N4BP2: variants seen among roughly 807,000 people sequenced by gnomAD.
The protein encoded by N4BP2 is NEDD4-binding protein 2.
In N4BP2, 91 loss-of-function variants were observed where a neutral mutation model predicts 152.8. That is an observed-to-expected ratio of 0.60 (90% CI 0.50 to 0.71). N4BP2 has a LOEUF of 0.71. N4BP2 is among the 30% of genes least tolerant of loss of function. N4BP2 has a pLI of 0.00. For missense variants in N4BP2, 1,923 were observed against 2,059.1 expected (o/e 0.93, Z 1.28); for synonymous variants, 646 against 705.3 (o/e 0.92, Z 1.33).
Position 40,102,976 on chromosome 4 carries a change from T to A in N4BP2, c.1131T>A (p.His377Gln). Residue 377 changes from histidine (H) to glutamine (Q), a missense_variant, in exon 4 of 18, where the codon CAT becomes CAA. Transcript: ENST00000261435. ...IPAFDLFQGN[H>Q]GFVAPVVTTA... is the part of the protein sequence containing the mutation. ...CTTTTGACCTCTTCCAAGGAAACCA[T>A]GGCTTTGTAGCTCCTGTTGTAACCA... The A allele has an allele frequency of 6.2e-7, 1 of 1,614,214 alleles. No homozygotes were observed. Among genetic ancestry groups the A allele is most frequent in the Non-Finnish European group, 8.5e-7 (1 of 1,180,048 alleles).
intron 2 of N4BP2, among the ~76,000 whole-genome samples, chr4:40,092,000 A>T (rs1714600653): frequency 1.1e-5 from 1 of 89,892 alleles, no homozygotes; most frequent in African/African-American, 4.3e-5. Flanking sequence ...AAAAAAAAAA[A>T]AAAAAAATTA....
At position 40,131,843 on chromosome 4, in the gene N4BP2, C is replaced by T. The variant is rs1410904189; in HGVS notation, c.4570C>T (p.Leu1524=). 6.2e-7 allele frequency: 1 copy of T among 1,613,594 alleles called. No homozygotes were observed. Among genetic ancestry groups the T allele is most frequent in the Non-Finnish European group, 8.5e-7 (1 of 1,179,738 alleles). The change falls in exon 13 of 18, where the codon CTA becomes TTA. Residue 1524 remains leucine (L), a synonymous_variant. Coordinates refer to ENST00000261435, the MANE Select transcript of N4BP2 (RefSeq NM_018177.6). ...GTTTGAAAAAGATTGTGCCACTAAA[C>T]TAAAGGAGAAGCAGCTCTTTAAGAT... is the stretch of plus-strand genomic sequence containing the variant. The part of the protein sequence containing the change: ...LMFEKDCATK[L]KEKQLFKIFP...
chr4:40,060,909 T>A (rs1205683618), intron 1 of N4BP2, among the ~76,000 whole-genome samples: 2 of 152,186 alleles, frequency 1.3e-5, no homozygotes, highest in Non-Finnish European at 2.9e-5. Context: ...CTGGCCTGTT[T>A]TTCTAAACGT....
chr4:40,141,956 C>T (rs991264122), intron 14 of N4BP2, among the ~76,000 whole-genome samples: 4 of 152,068 alleles, frequency 2.6e-5, no homozygotes, highest in African/African-American at 7.2e-5. Context: ...GGCGTGGTGG[C>T]GCGTGCCTGC....
At chr4:40,142,494 G>T in intron 14 of N4BP2, 179 bp from the exon 15 acceptor site, 1 of 560,414 alleles carries the variant, frequency 1.8e-6, no homozygotes, top group South Asian at 2.7e-5. Context: ...GCATAAAAAA[G>T]TTAATGATAG....
intron 12 of N4BP2, among the ~76,000 whole-genome samples, chr4:40,128,286 A>G (rs1215478773): frequency 6.6e-6 from 1 of 152,228 alleles, no homozygotes; most frequent in East Asian, 1.9e-4. Flanking sequence ...GTTTGACTGC[A>G]CAAAGGAGCA....
intron 3 of N4BP2, among the ~76,000 whole-genome samples, chr4:40,101,303 T>C (rs991293996): frequency 6.6e-6 from 1 of 152,122 alleles, no homozygotes; most frequent in Non-Finnish European, 1.5e-5. Flanking sequence ...ATTACAGGCA[T>C]GCGCCGCCAC....
the N4BP2 span, among the ~76,000 whole-genome samples, chr4:40,184,155 A>G: frequency 2.0e-5 from 3 of 152,220 alleles, no homozygotes; most frequent in Non-Finnish European, 4.4e-5. Context: ...GCAAGGAAGA[A>G]GACATGACTA....
chr4:40,097,437 C>A lies in N4BP2; in HGVS notation c.97C>A (p.Pro33Thr), dbSNP rs1715198345. The A allele has an allele frequency of 6.2e-7, 1 of 1,614,024 alleles. No individual in the cohort carries two copies. Among genetic ancestry groups the A allele is most frequent in the South Asian group, 1.1e-5 (1 of 91,066 alleles). The change falls in exon 3 of 18, where the codon CCA (proline) becomes ACA (threonine). Residue 33 changes from proline to threonine, a missense_variant. Transcript: ENST00000261435. ...ATCCAGTGTTGCTAGTCGTGAGGAG[C>A]CAACCACTACTCTACCTTCCATGGG... ...VVSSVASREE[P>T]TTTLPSMGET...
chr4:40,125,619 C>T (rs1042874316), intron 11 of N4BP2, among the ~76,000 whole-genome samples: 1 of 152,208 alleles, frequency 6.6e-6, no homozygotes, highest in Admixed American at 6.5e-5. Context: ...GGTGCGGTGG[C>T]TCACGCCTGT....
At chr4:40,179,754 C>G in the N4BP2 span, among the ~76,000 whole-genome samples, 8 of 145,384 alleles carry the variant, frequency 5.5e-5, no homozygotes, top group African/African-American at 2.1e-4. Context: ...AGTGGTAAAG[C>G]CTTTCTTTTT....
chr4:40,141,495 C>T (rs927612053), intron 14 of N4BP2, among the ~76,000 whole-genome samples: 1 of 136,732 alleles, frequency 7.3e-6, no homozygotes, highest in Non-Finnish European at 1.6e-5. Context: ...GATGGGCGGC[C>T]GGGCAGAGGC....
chr4:40,185,602 T>C, the N4BP2 span, among the ~76,000 whole-genome samples: 3 of 152,110 alleles, frequency 2.0e-5, no homozygotes, highest in Non-Finnish European at 4.4e-5. Flanking sequence ...AACTTAAACT[T>C]ATTATTTGGA....
chr4:40,117,592 T>C (rs7699412), intron 7 of N4BP2, among the ~76,000 whole-genome samples: 103,134 of 152,026 alleles, frequency 0.68, 35,629 homozygotes, highest in South Asian at 0.77. Context: ...AAAAAGGCAC[T>C]ATGAGTGAAA....
At chr4:40,084,880 G>A (rs1713783366) in intron 2 of N4BP2, among the ~76,000 whole-genome samples, 1 of 149,730 alleles carries the variant, frequency 6.7e-6, no homozygotes. Context: ...CTCCCAAAGT[G>A]CTGGGGTTAC....
chr4:40,188,252 T>G, the N4BP2 span, among the ~76,000 whole-genome samples: 1 of 152,148 alleles, frequency 6.6e-6, no homozygotes, highest in African/African-American at 2.4e-5. Context: ...CCAAAGATAT[T>G]GGCAAAAGTC....
the N4BP2 span, among the ~76,000 whole-genome samples, chr4:40,178,082 C>A: frequency 3.3e-5 from 5 of 152,130 alleles, no homozygotes; most frequent in Non-Finnish European, 7.3e-5. Context: ...ATCGCTTGAA[C>A]CCAGGAGGCG....
At chr4:40,175,042 A>G in the N4BP2 span, among the ~76,000 whole-genome samples, 29 of 152,136 alleles carry the variant, frequency 1.9e-4, no homozygotes, top group Non-Finnish European at 4.4e-5. Context: ...GTTTTTTCAA[A>G]GACAGTCTCA....
At chr4:40,190,421 T>C in the N4BP2 span, among the ~76,000 whole-genome samples, 948 of 152,304 alleles carry the variant, frequency 6.2e-3, 11 homozygotes, top group African/African-American at 0.022. Flanking sequence ...TGATTTTAAA[T>C]TTTCTGTGTC....
Sources: gnomAD v4.1 joint callset for allele counts (sites outside exome capture counted in the v4.1 genomes callset) on GRCh38, gnomAD v4.1.1 for gene constraint, MANE v1.5 for transcripts, NCBI Gene and HGNC (gene_info 2026-07-23, HGNC 2026-07-21) for gene names.